KCNQ1: variants seen among roughly 807,000 people sequenced by gnomAD.
The protein encoded by KCNQ1 is potassium voltage-gated channel subfamily KQT member 1.
KCNQ1 carries 49 observed loss-of-function variants against 72.4 expected under a neutral mutation model. The ratio of observed to expected loss-of-function variants is 0.68; its 90% CI spans 0.54 to 0.86. The LOEUF (loss-of-function observed/expected upper bound fraction) is 0.86. KCNQ1 is among the 40% of genes least tolerant of loss of function. The probability of loss-of-function intolerance (pLI) is 0.00; values close to 1 mark genes in which losing one functional copy is unlikely to be tolerated. For synonymous variants in KCNQ1, 450 were observed against 412.6 expected (o/e 1.09, Z -1.10); for missense variants, 790 against 945.1 (o/e 0.84, Z 2.15).
chr11:2,760,416 G>A (rs902754821), intron 11 of KCNQ1, among the ~76,000 whole-genome samples: 1 of 152,222 alleles, frequency 6.6e-6, no homozygotes, highest in African/African-American at 2.4e-5. Flanking sequence ...GAATGAACAG[G>A]TGAGATACAG....
At position 2,703,224 on chromosome 11, in the gene KCNQ1, T is replaced by C. The variant is rs1008019691; in HGVS notation, c.1514+41143T>C. Among the ~76,000 whole-genome samples, 3 of 152,042 alleles carry C rather than the reference T, an allele frequency of 2.0e-5. No individual in the cohort carries two copies. Among genetic ancestry groups the C allele is most frequent in the Admixed American group, 1.3e-4 (2 of 15,276 alleles). On this transcript the variant is annotated intron_variant, in intron 11 of 15. Transcript: ENST00000155840. This position sits in a 1 kb window ranked among gnomAD's most constrained non-coding sequence, Gnocchi z 6.4. ...CTCCCTTTCTGAATTGTTCTGTGGG[T>C]TGTGGAAGGCTTTGAAATTTGGCGC... is the stretch of plus-strand genomic sequence containing the variant.
chr11:2,728,642 C>G (rs1031046468), intron 11 of KCNQ1, among the ~76,000 whole-genome samples: 1 of 152,214 alleles, frequency 6.6e-6, no homozygotes, highest in South Asian at 2.1e-4. Flanking sequence ...CAGAAGCTGG[C>G]CTACAGGACG....
chr11:2,733,798 A>ACT (rs1564875233), intron 11 of KCNQ1, among the ~76,000 whole-genome samples: 2 of 66,140 alleles, frequency 3.0e-5, no homozygotes, highest in Non-Finnish European at 6.1e-5. Flanking sequence ...ACACACACAC[A>ACT]CACACACACA....
At chr11:2,754,986 C>T (rs909172488) in intron 11 of KCNQ1, among the ~76,000 whole-genome samples, 1 of 152,268 alleles carries the variant, frequency 6.6e-6, no homozygotes, top group African/African-American at 2.4e-5. Flanking sequence ...GAATAACAGA[C>T]GTTTACTCTC....
At chr11:2,832,966 C>T (rs1329266713) in intron 15 of KCNQ1, among the ~76,000 whole-genome samples, 1 of 152,170 alleles carries the variant, frequency 6.6e-6, no homozygotes, top group Non-Finnish European at 1.5e-5. Context: ...CCCAGAGTGA[C>T]CTGGACACTA....
chr11:2,526,760 C>T lies in KCNQ1; in HGVS notation c.387-1168C>T, dbSNP rs563399208. 6.6e-6 allele frequency among the ~76,000 whole-genome samples: 1 copy of T among 152,016 alleles called. No individual in the cohort carries two copies. The highest frequency in any genetic ancestry group is 2.4e-5 in the African/African-American group (1 of 41,376). ...TGACTTCAGGAGGCTGGATGAGAGG[C>T]AATGCAGGGGGCCTTCTGGCTGTCC... is the stretch of plus-strand genomic sequence containing the variant. On this transcript the variant is annotated intron_variant, in intron 1 of 15. Transcript: ENST00000155840. This position sits in a 1 kb window ranked among gnomAD's most constrained non-coding sequence, Gnocchi z 6.1.
chr11:2,848,082 G>A lies in KCNQ1; in HGVS notation c.*79G>A. 1 of 1,216,852 alleles carries A rather than the reference G, an allele frequency of 8.2e-7. No homozygotes were observed. The allele number at this position is 1,216,852 out of a possible 1,614,324, so 75.4% of individuals were successfully genotyped here. On this transcript the variant is annotated 3_prime_UTR_variant, in exon 16 of 16. Coordinates refer to ENST00000155840, the MANE Select transcript of KCNQ1 (RefSeq NM_000218.3). ...CCCCACCTGGCCCTCTCTGAAGGAG[G>A]CCACCTCCTAAAAGGCCCAGAGAGA...
In KCNQ1 at chr11:2,626,916, A is replaced by G; in HGVS notation, c.1394-35045A>G. 2.5e-6 allele frequency: 1 copy of G among 398,600 alleles called. No individual in the cohort carries two copies. 24.7% of individuals were successfully genotyped at this position (398,600 alleles called of 1,614,324 possible). On this transcript the variant is annotated intron_variant, in intron 10 of 15. Coordinates refer to ENST00000155840, the MANE Select transcript of KCNQ1 (RefSeq NM_000218.3). The surrounding 1 kb of genome is among the most constrained non-coding windows in gnomAD (Gnocchi z 4.0). ...TTTTAGCTATTCAAGGTCCCTTGAG[A>G]TTCCATGTGAATTTTAGGATGGGGT...
In KCNQ1 at chr11:2,457,322, C is replaced by T. The variant is rs1196180458; in HGVS notation, c.386+11838C>T. 3.9e-5 allele frequency among the ~76,000 whole-genome samples: 6 copies of T among 152,180 alleles called. No homozygotes were observed. The highest frequency in any genetic ancestry group is 4.8e-5 in the African/African-American group (2 of 41,436). On this transcript the variant is annotated intron_variant, in intron 1 of 15. Coordinates refer to ENST00000155840, the MANE Select transcript of KCNQ1 (RefSeq NM_000218.3). This position sits in a 1 kb window ranked among gnomAD's most constrained non-coding sequence, Gnocchi z 5.0. ...AGTTTATACCCAAAGAAAAATTAGT[C>T]GTTCTACCAAAAAGACATATGCACC... is the stretch of plus-strand genomic sequence containing the variant.
intron 1 of KCNQ1, among the ~76,000 whole-genome samples, chr11:2,456,765 C>CAAAAAAAAAAAAA (rs61437708): frequency 1.6e-4 from 5 of 31,960 alleles, no homozygotes; most frequent in East Asian, 1.1e-3. Context: ...ACTAAAAATC[C>CAAAAAAAAAAAAA]AAAAAAAAAA....
In KCNQ1 at chr11:2,668,995, T is replaced by C. The variant is rs533721893; in HGVS notation, c.1514+6914T>C. 1 of 398,552 alleles carries C rather than the reference T, an allele frequency of 2.5e-6. No homozygotes were observed. The allele number at this position is 398,552 out of a possible 1,614,324, so 24.7% of individuals were successfully genotyped here. Reference sequence around the variant, plus strand: ...GTCCAATGTGAGGCCGAGGTCAAGGTCCACTCTTCCCCTACTTGGATATCC... The same window carrying C: ...GTCCAATGTGAGGCCGAGGTCAAGGCCCACTCTTCCCCTACTTGGATATCC... On this transcript the variant is annotated intron_variant, in intron 11 of 15. Coordinates refer to ENST00000155840, the MANE Select transcript of KCNQ1 (RefSeq NM_000218.3). This position sits in a 1 kb window ranked among gnomAD's most constrained non-coding sequence, Gnocchi z 4.3.
chr11:2,519,772 GGC>G (rs1491507280), intron 1 of KCNQ1, among the ~76,000 whole-genome samples: 2 of 51,566 alleles, frequency 3.9e-5, no homozygotes, highest in African/African-American at 1.4e-4. Flanking sequence ...AGCAGGTGTT[GGC>G]CCCCCCCCAC....
In KCNQ1 at chr11:2,746,200, A is replaced by T. The variant is rs1272603998; in HGVS notation, c.1515-22644A>T. Among the ~76,000 whole-genome samples, 3 of 151,998 alleles carry T rather than the reference A, an allele frequency of 2.0e-5. No homozygotes were observed. Among genetic ancestry groups the T allele is most frequent in the Non-Finnish European group, 2.9e-5 (2 of 67,984 alleles). ...GCACCATGCCCAGCCTCTTGCCGTC[A>T]TTTTTTTTATTTTAAATAAACTTTG... On this transcript the variant is annotated intron_variant, in intron 11 of 15. Coordinates refer to ENST00000155840, the MANE Select transcript of KCNQ1 (RefSeq NM_000218.3). The surrounding 1 kb of genome is among the most constrained non-coding windows in gnomAD (Gnocchi z 5.9).
At position 2,538,466 on chromosome 11, in the gene KCNQ1, C is replaced by T. The variant is rs879552755; in HGVS notation, c.477+10448C>T. 6.6e-6 allele frequency among the ~76,000 whole-genome samples: 1 copy of T among 152,224 alleles called. No homozygotes were observed. Among genetic ancestry groups the T allele is most frequent in the Non-Finnish European group, 1.5e-5 (1 of 68,042 alleles). On this transcript the variant is annotated intron_variant, in intron 2 of 15. Transcript: ENST00000155840. This position sits in a 1 kb window ranked among gnomAD's most constrained non-coding sequence, Gnocchi z 6.7. ...CATCATTTATGCCCCAGCCAGGTCC[C>T]CTGTCCCAGGACCGCGGTTGACAGG...
At chr11:2,540,687 G>C (rs1398051923) in intron 2 of KCNQ1, among the ~76,000 whole-genome samples, 1 of 152,238 alleles carries the variant, frequency 6.6e-6, no homozygotes, top group African/African-American at 2.4e-5. Flanking sequence ...ATGCAGTCTT[G>C]ACTCCTGGCC....
rs922347039 is a variant in KCNQ1 at position 2,632,469 on chromosome 11, T to G, written c.1394-29492T>G. On this transcript the variant is annotated intron_variant, in intron 10 of 15. Transcript: ENST00000155840. ...CTTAGAGGAAAAGCTCTTAGTCTTT[T>G]CACCATTATGATGCTCCTTGTGGGT... 3 of 398,342 alleles carry G rather than the reference T, an allele frequency of 7.5e-6. No individual in the cohort carries two copies. The Admixed American group carries it at 1.3e-4, about 18-fold the overall frequency. 24.7% of individuals were successfully genotyped at this position (398,342 alleles called of 1,614,324 possible).
rs563561384 is a variant in KCNQ1, at chr11:2,834,386, G to A, written c.1795-13381G>A. On this transcript the variant is annotated intron_variant, in intron 15 of 15. Coordinates refer to ENST00000155840, the MANE Select transcript of KCNQ1 (RefSeq NM_000218.3). ...AGCAGGAGGAAATCCCTTGTTCTCC[G>A]GAGCTGGAGAGCCAGAAAGAGCCCT... 3.9e-5 allele frequency among the ~76,000 whole-genome samples: 6 copies of A among 152,262 alleles called. No individual in the cohort carries two copies. The East Asian group carries it at 5.8e-4, about 15-fold the overall frequency.
intron 2 of KCNQ1, among the ~76,000 whole-genome samples, chr11:2,556,527 C>A (rs1022442431): frequency 7.2e-5 from 11 of 152,200 alleles, no homozygotes; most frequent in Admixed American, 6.5e-4. Flanking sequence ...GCTATAACAG[C>A]ACAAAATTGT....
Position 2,445,008 on chromosome 11 carries a change from A to C in KCNQ1, c.-91A>C. 1 of 846,262 alleles carries C rather than the reference A, an allele frequency of 1.2e-6. No homozygotes were observed. Among genetic ancestry groups the C allele is most frequent in the African/African-American group, 1.9e-5 (1 of 53,982 alleles). The allele number at this position is 846,262 out of a possible 1,614,324, so 52.4% of individuals were successfully genotyped here. ...GGCCCCCCGCGGCGGGGCTGGCAGC[A>C]GTGGCTGCCCGCACTGCGCCCGGGC... On this transcript the variant is annotated 5_prime_UTR_variant, in exon 1 of 16. Coordinates refer to ENST00000155840, the MANE Select transcript of KCNQ1 (RefSeq NM_000218.3).
Sources: gnomAD v4.1 joint callset for allele counts (sites outside exome capture counted in the v4.1 genomes callset) on GRCh38, gnomAD v4.1.1 for gene constraint, Gnocchi (gnomAD v3.1) non-coding constraint, MANE v1.5 for transcripts, NCBI Gene and HGNC (gene_info 2026-07-23, HGNC 2026-07-21) for gene names.